The following SPOCK1 variants were observed in gnomAD, a reference collection of about 807,000 sequenced individuals.
The protein encoded by SPOCK1 is SPARC (osteonectin), cwcv and kazal like domains proteoglycan 1, also known as testican-1.
Under a neutral mutation model 55.3 loss-of-function variants are expected in SPOCK1, and 23 were observed. That is an observed-to-expected ratio of 0.42 (90% confidence interval 0.30 to 0.59). The LOEUF (loss-of-function observed/expected upper bound fraction) is 0.59, where lower values mean the gene tolerates loss of function less well. Ranked by LOEUF, SPOCK1 falls within the 20% of genes least tolerant of loss-of-function variation. The probability of loss-of-function intolerance (pLI) is 0.22; values close to 1 mark genes in which losing one functional copy is unlikely to be tolerated. For missense variants in SPOCK1, 499 were observed against 552.5 expected, an observed-to-expected ratio of 0.90 and a Z score of 0.97; for synonymous variants, 226 against 221.0, an observed-to-expected ratio of 1.02 and a Z score of -0.20.
At chr5:137,423,816 G>C (rs898730357) in intron 2 of SPOCK1, among the ~76,000 whole-genome samples, 1 of 152,200 alleles carries the variant, frequency 6.6e-6, no homozygotes, top group Non-Finnish European at 1.5e-5. Context: ...ACACTCCCCA[G>C]TGAGATGAAC....
intron 3 of SPOCK1, among the ~76,000 whole-genome samples, chr5:137,147,219 T>C (rs1023375177): frequency 6.6e-6 from 1 of 152,122 alleles, no homozygotes; most frequent in African/African-American, 2.4e-5. Context: ...CAGTTTATAG[T>C]ATCCTCTCAA....
intron 7 of SPOCK1, among the ~76,000 whole-genome samples, chr5:136,990,549 C>A (rs1374146643): frequency 1.3e-5 from 2 of 151,640 alleles, no homozygotes; most frequent in African/African-American, 2.4e-5. Flanking sequence ...AATACCCACC[C>A]CCCTCTTTTT....
At chr5:137,092,877 T>C (rs922230189) in intron 5 of SPOCK1, among the ~76,000 whole-genome samples, 1 of 152,160 alleles carries the variant, frequency 6.6e-6, no homozygotes, top group Non-Finnish European at 1.5e-5. Flanking sequence ...TGAGAAGTCC[T>C]GGGTTGAGGG....
intron 6 of SPOCK1, among the ~76,000 whole-genome samples, chr5:137,053,489 G>A (rs1752247571): frequency 6.6e-6 from 1 of 152,110 alleles, no homozygotes; most frequent in Non-Finnish European, 1.5e-5. Flanking sequence ...TAGAAAATGT[G>A]TTTAGCTGCA....
chr5:137,140,197 T>C (rs1754067858), intron 4 of SPOCK1, among the ~76,000 whole-genome samples: 1 of 152,030 alleles, frequency 6.6e-6, no homozygotes, highest in Non-Finnish European at 1.5e-5. Flanking sequence ...ATCATCACAG[T>C]GAGGTTGTTA....
At chr5:137,054,029 T>C (rs1752256764) in intron 6 of SPOCK1, among the ~76,000 whole-genome samples, 1 of 152,086 alleles carries the variant, frequency 6.6e-6, no homozygotes, top group South Asian at 2.1e-4. Flanking sequence ...ATTGTCAAAT[T>C]GTACAAAGAG....
intron 2 of SPOCK1, among the ~76,000 whole-genome samples, chr5:137,424,942 T>A (rs1528967): frequency 0.75 from 114,487 of 152,140 alleles, 43,781 homozygotes; most frequent in East Asian, 0.91. Flanking sequence ...CTGTATACTT[T>A]AAATGGATGC....
At chr5:137,480,823 G>A (rs1016147485) in intron 2 of SPOCK1, among the ~76,000 whole-genome samples, 1 of 152,188 alleles carries the variant, frequency 6.6e-6, no homozygotes, top group African/African-American at 2.4e-5. Flanking sequence ...TGGCTAAGGA[G>A]AAGAGTTTTA....
At chr5:137,084,168 G>T (rs1309680636) in intron 5 of SPOCK1, among the ~76,000 whole-genome samples, 1 of 151,850 alleles carries the variant, frequency 6.6e-6, no homozygotes, top group Non-Finnish European at 1.5e-5. Context: ...AGGAAGCTAT[G>T]GCTGTTATGT....
intron 2 of SPOCK1, among the ~76,000 whole-genome samples, chr5:137,493,275 C>T (rs1754225498): frequency 6.6e-6 from 1 of 152,174 alleles, no homozygotes; most frequent in Non-Finnish European, 1.5e-5. Context: ...TAATTACTAA[C>T]ATTATTTTGC....
At position 137,302,352 on chromosome 5, in the gene SPOCK1, A is replaced by G. The variant is rs529548715; in HGVS notation, c.187-35297T>C. 4.2e-4 allele frequency among the ~76,000 whole-genome samples: 63 copies of G among 151,674 alleles called. 1 individual carries two copies. Among genetic ancestry groups the G allele is most frequent in the Admixed American group, 2.9e-3 (44 of 15,236 alleles). ...TGGGAGGCCAAGGCGGGCAGATCAC[A>G]AGGTCAGGAGATTGAGACCATCCTG... On this transcript the variant is annotated intron_variant, in intron 2 of 10. Transcript: ENST00000394945.
At chr5:137,425,200 T>C (rs543234989) in intron 2 of SPOCK1, among the ~76,000 whole-genome samples, 117 of 127,818 alleles carry the variant, frequency 9.2e-4, no homozygotes, top group African/African-American at 3.2e-3. Context: ...TACAATGGCC[T>C]TACCTAGTGG....
At chr5:137,397,267 T>C (rs1751871729) in intron 2 of SPOCK1, among the ~76,000 whole-genome samples, 2 of 152,076 alleles carry the variant, frequency 1.3e-5, no homozygotes, top group Admixed American at 1.3e-4. Context: ...AAGAAGTGAG[T>C]GGAGCCACGC....
chr5:137,068,335 T>C (rs1203629356), intron 5 of SPOCK1, among the ~76,000 whole-genome samples: 1 of 152,112 alleles, frequency 6.6e-6, no homozygotes, highest in Non-Finnish European at 1.5e-5. Context: ...TTGGGAGCAA[T>C]GAAGAATGAA....
chr5:137,012,572 A>G (rs1212616108), intron 6 of SPOCK1, among the ~76,000 whole-genome samples: 1 of 152,178 alleles, frequency 6.6e-6, no homozygotes, highest in Non-Finnish European at 1.5e-5. Context: ...AATATATAAT[A>G]GGGTCAAAGT....
At position 137,275,336 on chromosome 5, in the gene SPOCK1, T is replaced by C. The variant is rs370685140; in HGVS notation, c.187-8281A>G. Among the ~76,000 whole-genome samples the C allele has an allele frequency of 1.6e-4, 24 of 152,334 alleles. No individual in the cohort carries two copies. The South Asian group carries it at 4.6e-3, about 29-fold the overall frequency. On this transcript the variant is annotated intron_variant, in intron 2 of 10. Transcript: ENST00000394945. Reference sequence around the variant, plus strand: ...CCTCCATGAACATCCAGATGCTACCTTGTAGAGAATAAAACACCAGCTATT... The same window carrying C: ...CCTCCATGAACATCCAGATGCTACCCTGTAGAGAATAAAACACCAGCTATT...
intron 4 of SPOCK1, among the ~76,000 whole-genome samples, chr5:137,138,234 A>G (rs941076765): frequency 4.6e-5 from 7 of 152,310 alleles, no homozygotes; most frequent in African/African-American, 1.7e-4. Flanking sequence ...ACCCACTGTA[A>G]TTTTATGGTC....
chr5:137,287,456 TC>T (rs1404535529), intron 2 of SPOCK1, among the ~76,000 whole-genome samples: 1 of 152,092 alleles, frequency 6.6e-6, no homozygotes, highest in Non-Finnish European at 1.5e-5. Flanking sequence ...GCTTCTGTTC[TC>T]CCCCATCCTA....
At chr5:137,474,865 T>C (rs1207415895) in intron 2 of SPOCK1, among the ~76,000 whole-genome samples, 1 of 151,966 alleles carries the variant, frequency 6.6e-6, no homozygotes, top group Non-Finnish European at 1.5e-5. Flanking sequence ...AGCAAAAAAA[T>C]ATGGGTAATA....
Sources: allele counts gnomAD v4.1 joint callset (sites outside exome capture counted in the v4.1 genomes callset), GRCh38; gene constraint gnomAD v4.1.1; transcripts MANE v1.5; gene names NCBI Gene and HGNC (gene_info 2026-07-23, HGNC 2026-07-21).